The following SCN10A variants were observed in gnomAD, a reference collection of about 807,000 sequenced individuals.
The protein encoded by SCN10A is sodium channel protein type 10 subunit alpha.
SCN10A carries 162 observed loss-of-function variants against 170.7 expected under a neutral mutation model. The ratio of observed to expected loss-of-function variants is 0.95; its 90% CI spans 0.84 to 1.08. The LOEUF is 1.08. SCN10A is among the 50% of genes least tolerant of loss of function. The pLI is 0.00. For missense variants in SCN10A, 2,527 were observed against 2,436.9 expected, an observed-to-expected ratio of 1.04 and a Z score of -0.78; for synonymous variants, 985 against 904.6, an observed-to-expected ratio of 1.09 and a Z score of -1.59.
At chr3:38,701,305 T>C (rs2063153695) in intron 27 of SCN10A, among the ~76,000 whole-genome samples, 1 of 152,266 alleles carries the variant, frequency 6.6e-6, no homozygotes, top group African/African-American at 2.4e-5. Context: ...TTGACTTTTC[T>C]ATCACTCATG....
intron 20 of SCN10A, among the ~76,000 whole-genome samples, chr3:38,721,445 T>C (rs1014800712): frequency 4.6e-5 from 7 of 152,352 alleles, no homozygotes; most frequent in Middle Eastern, 3.4e-3. Flanking sequence ...AGTTCCTTCC[T>C]GTGTCTATGT....
At position 38,725,221 on chromosome 3, in the gene SCN10A, G is replaced by A. The variant is rs765419083; in HGVS notation, c.3181C>T (p.Leu1061=). 6 of 1,606,634 alleles carry A rather than the reference G, an allele frequency of 3.7e-6. No homozygotes were observed. The African/African-American group carries it at 6.7e-5, about 18-fold the overall frequency. The change falls in exon 18 of 28, where the codon CTG becomes TTG. Residue 1061 remains leucine, a synonymous_variant. Coordinates refer to ENST00000449082, the MANE Select transcript of SCN10A (RefSeq NM_006514.4). The part of the protein sequence containing the change: ...GTSSEDLAPS[L]GETWKDESVP... ...GACTCATCTTTCCACGTCTCACCCA[G>A]GGATGGAGCCAGGTCCTCAGAAGAT...
intron 7 of SCN10A, among the ~76,000 whole-genome samples, 191 bp from the exon 8 acceptor site, chr3:38,760,938 G>A (rs996189845): frequency 1.3e-5 from 2 of 152,132 alleles, no homozygotes; most frequent in African/African-American, 4.8e-5. Context: ...CAGTGACTTC[G>A]GCTCTCAATC....
At chr3:38,787,517 G>A (rs1575178969) in intron 4 of SCN10A, among the ~76,000 whole-genome samples, 1 of 151,188 alleles carries the variant, frequency 6.6e-6, no homozygotes, top group Non-Finnish European at 1.5e-5. Flanking sequence ...TACTATGCTG[G>A]CTGAGACCTC....
At chr3:38,721,487 T>A (rs975358607) in intron 20 of SCN10A, among the ~76,000 whole-genome samples, 2 of 152,188 alleles carry the variant, frequency 1.3e-5, no homozygotes, top group Non-Finnish European at 2.9e-5. Context: ...GTAGTTGAGA[T>A]TGTGTAAGGA....
chr3:38,789,951 A>T (rs958258320), intron 3 of SCN10A, among the ~76,000 whole-genome samples: 1 of 152,212 alleles, frequency 6.6e-6, no homozygotes, highest in Non-Finnish European at 1.5e-5. Context: ...CAGAGAGAGT[A>T]CAACACTCAT....
chr3:38,742,151 A>G, intron 14 of SCN10A, 140 bp downstream of exon 14: 2 of 648,308 alleles, frequency 3.1e-6, no homozygotes, highest in Non-Finnish European at 5.5e-6. Flanking sequence ...TGTCTCCTGC[A>G]CTGCTGCTCT....
At chr3:38,732,991 A>G (rs2063526493) in intron 15 of SCN10A, among the ~76,000 whole-genome samples, 1 of 152,224 alleles carries the variant, frequency 6.6e-6, no homozygotes, top group African/African-American at 2.4e-5. Context: ...AACAACTCTT[A>G]GCAAAGCTTG....
intron 8 of SCN10A, among the ~76,000 whole-genome samples, chr3:38,758,387 A>G (rs559063321): frequency 6.6e-6 from 1 of 152,358 alleles, no homozygotes; most frequent in African/African-American, 2.4e-5. Flanking sequence ...CACTGCATAT[A>G]AACAGTTCAC....
chr3:38,803,807 A>T (rs774567938), intron 1 of SCN10A, among the ~76,000 whole-genome samples: 3 of 151,892 alleles, frequency 2.0e-5, no homozygotes, highest in Non-Finnish European at 4.4e-5. Flanking sequence ...TAAAAAAAAC[A>T]AAACCTTTTA....
At chr3:38,797,150 A>AAATC (rs1369071299) in intron 1 of SCN10A, among the ~76,000 whole-genome samples, 1 of 152,020 alleles carries the variant, frequency 6.6e-6, no homozygotes, top group Non-Finnish European at 1.5e-5. Flanking sequence ...GGCAGTGCTT[A>AAATC]AATCAAATAC....
At position 38,756,870 on chromosome 3, in the gene SCN10A, G is replaced by A. The variant is rs754960592; in HGVS notation, c.1094C>T (p.Thr365Ile). 5 of 1,614,096 alleles carry A rather than the reference G, an allele frequency of 3.1e-6. No homozygotes were observed. Among genetic ancestry groups the A allele is most frequent in the South Asian group, 2.2e-5 (2 of 91,074 alleles). Residue 365 changes from threonine to isoleucine, a missense_variant and splice_region_variant, in exon 10 of 28, where the codon ACC (threonine) becomes ATC (isoleucine). Coordinates refer to ENST00000449082, the MANE Select transcript of SCN10A (RefSeq NM_006514.4). ...ATAGATTTTCCCAGAAGTCCTCAGG[G>A]TCTGCAGGTTCAAGGGAAAGAAGAG... ...QDSWERLYQQ[T>I]LRTSGKIYMI...
In SCN10A at chr3:38,789,021, A is replaced by T; in HGVS notation, c.405T>A (p.Phe135Leu). Residue 135 changes from phenylalanine to leucine, a missense_variant, in exon 4 of 28, where the codon TTT becomes TTA. Coordinates refer to ENST00000449082, the MANE Select transcript of SCN10A (RefSeq NM_006514.4). The stretch of plus-strand genomic sequence containing the variant: ...AATTAACCAAAATAGTGACCGTAAT[A>T]AATAAACTGAACCACCTGAAAGGCC... ...KVSVHSWFSL[F>L]ITVTILVNCV... 6.2e-7 allele frequency: 1 copy of T among 1,610,664 alleles called. No homozygotes were observed. The highest frequency in any genetic ancestry group is 1.1e-5 in the South Asian group (1 of 90,980).
intron 21 of SCN10A, among the ~76,000 whole-genome samples, chr3:38,717,869 C>T (rs1359264019): frequency 6.6e-6 from 1 of 152,200 alleles, no homozygotes; most frequent in Non-Finnish European, 1.5e-5. Context: ...AAGGTAGTGG[C>T]CTAGACAGTG....
At chr3:38,746,543 T>C (rs1301903360) in intron 13 of SCN10A, among the ~76,000 whole-genome samples, 1 of 152,122 alleles carries the variant, frequency 6.6e-6, no homozygotes, top group Non-Finnish European at 1.5e-5. Flanking sequence ...CTCCAATCCT[T>C]TAATGGCACC....
intron 5 of SCN10A, 139 bp from the exon 6 acceptor site, chr3:38,763,735 CTA>C: frequency 1.5e-6 from 1 of 654,516 alleles, no homozygotes; most frequent in South Asian, 1.8e-5. Context: ...ACACTGCCAT[CTA>C]TAGACTGACA....
Position 38,726,797 on chromosome 3 carries a change from T to C in SCN10A, c.2896A>G (p.Thr966Ala), listed in dbSNP as rs2063460576. The change falls in exon 17 of 28, where the codon ACT becomes GCT. Residue 966 changes from threonine to alanine, a missense_variant. Physicochemically the swap from Thr to Ala is moderately conservative, Grantham distance 58 (BLOSUM62 0). Transcript: ENST00000449082. ...SKAENHIAAN[T>A]ARGSSGGLQA... ...AGCCCTCCAGAGCTCCCCCTGGCAG[T>C]GTTGGCAGCAATGTGGTTCTCAGCC... 1 of 1,611,484 alleles carries C rather than the reference T, an allele frequency of 6.2e-7. No individual in the cohort carries two copies.
At chr3:38,706,715 A>G (rs1325528643) in intron 26 of SCN10A, among the ~76,000 whole-genome samples, 6 of 152,214 alleles carry the variant, frequency 3.9e-5, no homozygotes, top group Admixed American at 3.9e-4. Flanking sequence ...TTATGAAAAA[A>G]GGAGTGAAAC....
chr3:38,707,316 C>T lies in SCN10A; in HGVS notation c.4349G>A (p.Gly1450Asp). Residue 1450 changes from glycine to aspartate, a missense_variant, in exon 26 of 28, where the codon GGC becomes GAC. Coordinates refer to ENST00000449082, the MANE Select transcript of SCN10A (RefSeq NM_006514.4). The stretch of plus-strand genomic sequence containing the variant: ...GATGGGCTTCTGGGGCTTCTTGGAG[C>T]CCAACTTCTTCATGGCATTGTAGTA... ...KKYYNAMKKL[G>D]SKKPQKPIPR... 1 of 1,614,112 alleles carries T rather than the reference C, an allele frequency of 6.2e-7. No individual in the cohort carries two copies. Among genetic ancestry groups the T allele is most frequent in the Middle Eastern group, 1.7e-4 (1 of 6,046 alleles).
Sources: allele counts gnomAD v4.1 joint callset (sites outside exome capture counted in the v4.1 genomes callset), GRCh38; gene constraint gnomAD v4.1.1; transcripts MANE v1.5; gene names NCBI Gene and HGNC (gene_info 2026-07-23, HGNC 2026-07-21).